The following RPS6KA5 variants were observed in gnomAD, a reference collection of about 807,000 sequenced individuals.
RPS6KA5 encodes ribosomal protein S6 kinase alpha-5.
In RPS6KA5, 27 loss-of-function variants were observed where a neutral mutation model predicts 85.5. The observed-to-expected ratio is 0.32, with a 90% CI of 0.23 to 0.44. The LOEUF (loss-of-function observed/expected upper bound fraction) is 0.44. Ranked by LOEUF, RPS6KA5 falls within the 20% of genes least tolerant of loss-of-function variation. The pLI is 1.00. For missense variants in RPS6KA5, 811 were observed against 980.9 expected, an observed-to-expected ratio of 0.83 and a Z score of 2.31; for synonymous variants, 334 against 348.2, an observed-to-expected ratio of 0.96 and a Z score of 0.46.
intron 15 of RPS6KA5, among the ~76,000 whole-genome samples, 184 bp from the exon 16 acceptor site, chr14:90,873,979 A>G (rs915578765): frequency 6.6e-6 from 1 of 152,242 alleles, no homozygotes; most frequent in Non-Finnish European, 1.5e-5. Flanking sequence ...GAGTCTAATG[A>G]TAAAGTCACA....
chr14:91,023,709 T>C (rs972359484), intron 1 of RPS6KA5, among the ~76,000 whole-genome samples: 6 of 152,246 alleles, frequency 3.9e-5, no homozygotes, highest in Non-Finnish European at 8.8e-5. Flanking sequence ...CAGTGCTGCC[T>C]TGCTTTGTAT....
At chr14:91,059,142 A>G (rs1390878870) in intron 1 of RPS6KA5, among the ~76,000 whole-genome samples, 1 of 151,970 alleles carries the variant, frequency 6.6e-6, no homozygotes, top group African/African-American at 2.4e-5. Context: ...AGCCTGACCA[A>G]CGTGGAGAGG....
At chr14:90,907,468 C>G (rs1357257625) in intron 7 of RPS6KA5, among the ~76,000 whole-genome samples, 1 of 152,110 alleles carries the variant, frequency 6.6e-6, no homozygotes, top group Non-Finnish European at 1.5e-5. Context: ...TAACATAGTA[C>G]CTAGCGCATA....
At chr14:90,993,439 C>G (rs1691984067) in intron 2 of RPS6KA5, among the ~76,000 whole-genome samples, 1 of 151,204 alleles carries the variant, frequency 6.6e-6, no homozygotes, top group Admixed American at 6.6e-5. Flanking sequence ...GACTCCGTCT[C>G]AAAAAAAACA....
At chr14:90,952,380 C>A (rs1186110415) in intron 3 of RPS6KA5, among the ~76,000 whole-genome samples, 1 of 152,234 alleles carries the variant, frequency 6.6e-6, no homozygotes, top group African/African-American at 2.4e-5. Context: ...ACCTGGGAAT[C>A]TTCCCCCTCA....
chr14:90,892,594 T>G (rs1360113613), intron 13 of RPS6KA5, among the ~76,000 whole-genome samples: 1 of 152,156 alleles, frequency 6.6e-6, no homozygotes. Flanking sequence ...TGGGACAAGT[T>G]TGAAAAATAC....
chr14:90,931,621 C>A (rs1485658196), intron 5 of RPS6KA5, among the ~76,000 whole-genome samples: 1 of 151,506 alleles, frequency 6.6e-6, no homozygotes, highest in African/African-American at 2.4e-5. Context: ...CAAAAAAGAT[C>A]ATTAAACAAA....
chr14:91,048,084 G>T (rs1595555084), intron 1 of RPS6KA5, among the ~76,000 whole-genome samples: 1 of 152,126 alleles, frequency 6.6e-6, no homozygotes, highest in South Asian at 2.1e-4. Flanking sequence ...GCGGGTTCCA[G>T]GGATTAGGAT....
chr14:90,984,268 G>A (rs2140503146), intron 2 of RPS6KA5, among the ~76,000 whole-genome samples: 1 of 152,308 alleles, frequency 6.6e-6, no homozygotes, highest in Middle Eastern at 3.4e-3. Flanking sequence ...ATGACAGGAA[G>A]GATTACTTAC....
intron 1 of RPS6KA5, among the ~76,000 whole-genome samples, chr14:91,059,712 G>A (rs74083904): frequency 6.6e-6 from 1 of 152,182 alleles, no homozygotes; most frequent in South Asian, 2.1e-4. Flanking sequence ...ACCTCTGAAG[G>A]AAATTCAAGG....
At chr14:90,897,524 A>T (rs2034906401) in intron 12 of RPS6KA5, among the ~76,000 whole-genome samples, 1 of 152,218 alleles carries the variant, frequency 6.6e-6, no homozygotes, top group Admixed American at 6.5e-5. Context: ...AAGACTGGAT[A>T]CAGGGATGAT....
At position 90,873,792 on chromosome 14, in the gene RPS6KA5, A is replaced by C; in HGVS notation, c.2000T>G (p.Leu667Arg). 4 of 1,611,674 alleles carry C rather than the reference A, an allele frequency of 2.5e-6. No individual in the cohort carries two copies. The highest frequency in any genetic ancestry group is 1.3e-5 in the African/African-American group (1 of 74,958). The change falls in exon 16 of 17, where the codon CTT (leucine) becomes CGT (arginine). Residue 667 changes from leucine to arginine, a missense_variant. Coordinates refer to ENST00000614987, the MANE Select transcript of RPS6KA5 (RefSeq NM_004755.4). The stretch of plus-strand genomic sequence containing the variant: ...CCTTTTGTTTGGATCTACTGTGAGA[A>C]GTCCTTTGGGAATAGATATTTTTAT... Reference protein sequence around the residue: ...SQEAKDLIQGLLTVDPNKRLK... With the variant: ...SQEAKDLIQGRLTVDPNKRLK...
At chr14:90,959,125 G>A (rs1566793523) in intron 3 of RPS6KA5, among the ~76,000 whole-genome samples, 1 of 152,066 alleles carries the variant, frequency 6.6e-6, no homozygotes, top group Non-Finnish European at 1.5e-5. Context: ...TAGGAGAGTC[G>A]AGGTCACAGA....
At chr14:90,982,445 G>C (rs1029713395) in intron 2 of RPS6KA5, among the ~76,000 whole-genome samples, 4 of 152,158 alleles carry the variant, frequency 2.6e-5, no homozygotes, top group African/African-American at 9.7e-5. Context: ...CTGTGTGACA[G>C]AGCATGATCC....
intron 1 of RPS6KA5, among the ~76,000 whole-genome samples, chr14:91,024,857 C>G (rs2139810775): frequency 6.6e-6 from 1 of 152,170 alleles, no homozygotes; most frequent in East Asian, 1.9e-4. Context: ...TGGGGACTCT[C>G]GCCTTTTTTT....
At chr14:90,957,035 C>T (rs143911077) in intron 3 of RPS6KA5, among the ~76,000 whole-genome samples, 1 of 150,110 alleles carries the variant, frequency 6.7e-6, no homozygotes, top group Non-Finnish European at 1.5e-5. Context: ...CTTCCATCCC[C>T]AACCCTGGTG....
intron 1 of RPS6KA5, among the ~76,000 whole-genome samples, chr14:91,057,385 T>C (rs2043367327): frequency 6.6e-6 from 1 of 152,116 alleles, no homozygotes; most frequent in Non-Finnish European, 1.5e-5. Flanking sequence ...AGTGAATCCA[T>C]TCAACAAATA....
intron 5 of RPS6KA5, 109 bp downstream of exon 5, chr14:90,942,969 A>G (rs2037654387): frequency 8.4e-6 from 6 of 712,908 alleles, no homozygotes; most frequent in Admixed American, 2.6e-5. Flanking sequence ...AATCTGCACA[A>G]AAGTTCAGAA....
chr14:90,988,386 A>G (rs2040149725), intron 2 of RPS6KA5, among the ~76,000 whole-genome samples: 1 of 152,240 alleles, frequency 6.6e-6, no homozygotes, highest in African/African-American at 2.4e-5. Flanking sequence ...AAATAGCTAA[A>G]ACTTACATAG....
Sources: gnomAD v4.1 joint callset for allele counts (sites outside exome capture counted in the v4.1 genomes callset) on GRCh38, gnomAD v4.1.1 for gene constraint, MANE v1.5 for transcripts, NCBI Gene and HGNC (gene_info 2026-07-23, HGNC 2026-07-21) for gene names.